The following WASHC5 variants were observed in gnomAD, a reference collection of about 807,000 sequenced individuals.
WASHC5 encodes the protein WASH complex subunit strumpellin.
In WASHC5, 101 loss-of-function variants were observed where a neutral mutation model predicts 150.4. The observed-to-expected ratio is 0.67, with a 90% CI of 0.57 to 0.79. The LOEUF is 0.79. Ranked by LOEUF, WASHC5 falls within the 30% of genes least tolerant of loss-of-function variation. WASHC5 has a pLI of 0.00. For missense variants in WASHC5, 1,195 were observed against 1,396.3 expected, an observed-to-expected ratio of 0.86 and a Z score of 2.30; for synonymous variants, 467 against 491.2, an observed-to-expected ratio of 0.95 and a Z score of 0.65.
chr8:125,028,627 G>GGTAGCTTTGTGT lies in WASHC5; in HGVS notation c.3404_3415dup (p.Leu1138_Pro1139insHisThrLysLeu). On this transcript the variant is annotated inframe_insertion, in exon 28 of 29. Transcript: ENST00000318410. Reference sequence around the variant, plus strand: ...TTACTATCTATCACTTACCCTCCTGGGTAGCTTTGTGTACCGAACATAATC... The same window carrying GGTAGCTTTGTGT: ...TTACTATCTATCACTTACCCTCCTGGGTAGCTTTGTGTGTAGCTTTGTGTACCGAACATAATC... 6.2e-7 allele frequency: 1 copy of GGTAGCTTTGTGT among 1,607,346 alleles called. No individual in the cohort carries two copies. Among genetic ancestry groups the GGTAGCTTTGTGT allele is most frequent in the Non-Finnish European group, 8.5e-7 (1 of 1,174,040 alleles).
intron 10 of WASHC5, among the ~76,000 whole-genome samples, chr8:125,066,403 A>G (rs1306588040): frequency 1.3e-5 from 2 of 152,168 alleles, no homozygotes; most frequent in Non-Finnish European, 2.9e-5. Flanking sequence ...ATGGGTATAA[A>G]TGTCTGGGCT....
In WASHC5 at chr8:125,061,193, T is replaced by C. The variant is rs898070544; in HGVS notation, c.1410A>G (p.Glu470=). The C allele has an allele frequency of 2.0e-6, 3 of 1,507,684 alleles. No homozygotes were observed. In the Admixed American group the frequency reaches 5.0e-5, roughly 25 times the overall value. The allele number at this position is 1,507,684 out of a possible 1,614,324, so 93.4% of individuals were successfully genotyped here. A position where few individuals can be genotyped will look rare whatever the true frequency, so the allele number is the denominator to read the frequency against. Residue 470 remains glutamate (E), a splice_region_variant and synonymous_variant, in exon 12 of 29, where the codon GAA becomes GAG. Transcript: ENST00000318410. ...VKPLTRVEKN[E]NLQAWFREIS... is the part of the protein sequence containing the mutation. Reference sequence around the variant, plus strand: ...TCTCTCTGAACCAAGCTTGAAGGTTTTCTAGTAATACAGAAATAAGAAAAT... The same window carrying C: ...TCTCTCTGAACCAAGCTTGAAGGTTCTCTAGTAATACAGAAATAAGAAAAT...
At position 125,057,747 on chromosome 8, in the gene WASHC5, A is replaced by T. The variant is rs143674803; in HGVS notation, c.1765-81T>A. On this transcript the variant is annotated intron_variant, in intron 14 of 28. Transcript: ENST00000318410. ...TTTCTTTCCAGAAAATGTAACATAC[A>T]ACAAAACATTTGGGTTTTACCCAAC... 353 of 928,588 alleles carry T rather than the reference A, an allele frequency of 3.8e-4. 1 individual carries two copies. The African/African-American group carries it at 4.9e-3, about 13-fold the overall frequency. 57.5% of individuals were successfully genotyped at this position (928,588 alleles called of 1,614,324 possible).
intron 20 of WASHC5, 80 bp from the exon 21 acceptor site, chr8:125,044,778 C>T (rs16900255): frequency 6.6e-6 from 9 of 1,370,248 alleles, no homozygotes; most frequent in Admixed American, 5.0e-5. Flanking sequence ...ACAGGACATG[C>T]GGCACCAAAT....
intron 1 of WASHC5, among the ~76,000 whole-genome samples, chr8:125,085,749 T>C (rs1427224078): frequency 6.6e-6 from 1 of 152,154 alleles, no homozygotes; most frequent in African/African-American, 2.4e-5. Context: ...GAGCAGATGG[T>C]AGAAGGCGAA....
chr8:125,039,804 T>G lies in WASHC5; in HGVS notation c.2945A>C (p.Asn982Thr). The change falls in exon 24 of 29, where the codon AAT (asparagine) becomes ACT (threonine). Residue 982 changes from asparagine to threonine, a missense_variant. This residue lies in a region of WASHC5 where 997 missense variants were observed against 1,168.1 expected (regional missense o/e 0.85). Coordinates refer to ENST00000318410, the MANE Select transcript of WASHC5 (RefSeq NM_014846.4). ...DSKHLAAALENLNKALLADIE... is the reference protein window; with the variant it reads ...DSKHLAAALETLNKALLADIE... ...AAACCCTGGCACTTACTTATTGAGA[T>G]TCTCCAGAGCAGCTGCCAGATGTTT... The G allele has an allele frequency of 6.2e-7, 1 of 1,611,238 alleles. No individual in the cohort carries two copies. The highest frequency in any genetic ancestry group is 8.5e-7 in the Non-Finnish European group (1 of 1,177,412).
At position 125,083,752 on chromosome 8, in the gene WASHC5, C is replaced by T. The variant is rs1461961938; in HGVS notation, c.147G>A (p.Gln49=). The change falls in exon 2 of 29, where the codon CAG becomes CAA. Residue 49 remains glutamine, a synonymous_variant. Coordinates refer to ENST00000318410, the MANE Select transcript of WASHC5 (RefSeq NM_014846.4). ...VFRLKDRADQ[Q]KYGDIIFDFS... ...AATCAAATATGATATCTCCATATTTCTGTTGATCAGCTCTGTCTTTTAACC... is the reference window on the plus strand; with the variant it reads ...AATCAAATATGATATCTCCATATTTTTGTTGATCAGCTCTGTCTTTTAACC... 12 of 1,613,594 alleles carry T rather than the reference C, an allele frequency of 7.4e-6. No individual in the cohort carries two copies. Among genetic ancestry groups the T allele is most frequent in the Non-Finnish European group, 1.0e-5 (12 of 1,179,598 alleles).
At chr8:125,031,307 C>T (rs1376967745) in intron 27 of WASHC5, among the ~76,000 whole-genome samples, 2 of 152,196 alleles carry the variant, frequency 1.3e-5, no homozygotes, top group Non-Finnish European at 2.9e-5. Flanking sequence ...TGGAGTCTCG[C>T]TCTGTCACCC....
rs886062652 is a variant in WASHC5, at chr8:125,055,636, A to C, written c.2052T>G (p.Thr684=). 1.2e-6 allele frequency: 2 copies of C among 1,613,112 alleles called. No individual in the cohort carries two copies. The highest frequency in any genetic ancestry group is 1.7e-6 in the Non-Finnish European group (2 of 1,179,056). ...TCGTTTTCATCATTAAGATGCCTTC[A>C]GTAAAAATGGAAATAGCATGAGTAA... is the stretch of plus-strand genomic sequence containing the variant. ...AKLTHAISIF[T]EGILMMKTTL... The change falls in exon 17 of 29, where the codon ACT becomes ACG. Residue 684 remains threonine, a synonymous_variant. Transcript: ENST00000318410.
At chr8:125,067,230 C>A (rs1447631551) in intron 10 of WASHC5, among the ~76,000 whole-genome samples, 35 of 152,174 alleles carry the variant, frequency 2.3e-4, no homozygotes, top group Non-Finnish European at 1.5e-5. Context: ...GCTGGCCAGG[C>A]TGATCTCGAA....
At chr8:125,037,406 G>C (rs1815747165) in intron 25 of WASHC5, 73 bp from the exon 26 acceptor site, 1 of 941,348 alleles carries the variant, frequency 1.1e-6, no homozygotes, top group Non-Finnish European at 1.7e-6. Context: ...GTTTCCAAAT[G>C]AAAATCTTCC....
intron 5 of WASHC5, 35 bp from the exon 6 acceptor site, chr8:125,078,965 A>T (rs1284387594): frequency 6.4e-7 from 1 of 1,553,634 alleles, no homozygotes; most frequent in Non-Finnish European, 8.9e-7. Flanking sequence ...CAAAGACCCA[A>T]AACACACATA....
intron 23 of WASHC5, among the ~76,000 whole-genome samples, chr8:125,040,356 A>C: frequency 6.6e-6 from 1 of 152,208 alleles, no homozygotes; most frequent in East Asian, 1.9e-4. Context: ...GTGAATATTA[A>C]GTCTGTCCAT....
chr8:125,078,964 A>T, intron 5 of WASHC5, 34 bp from the exon 6 acceptor site: 2 of 1,558,504 alleles, frequency 1.3e-6, no homozygotes, highest in Non-Finnish European at 1.8e-6. Context: ...ACAAAGACCC[A>T]AAACACACAT....
At chr8:125,079,760 C>A (rs991506348) in intron 5 of WASHC5, among the ~76,000 whole-genome samples, 1 of 152,018 alleles carries the variant, frequency 6.6e-6, no homozygotes, top group African/African-American at 2.4e-5. Context: ...TATATATAGC[C>A]TCACACCTAT....
chr8:125,024,472 C>T lies in WASHC5; in HGVS notation c.*145G>A, dbSNP rs1354929786. On this transcript the variant is annotated 3_prime_UTR_variant, in exon 29 of 29. Transcript: ENST00000318410. ...TATTAACTAATGCCATGAGATATAT[C>T]TTACTCAGAACGTCTGATGTTTCCC... is the stretch of plus-strand genomic sequence containing the variant. 4 of 711,564 alleles carry T rather than the reference C, an allele frequency of 5.6e-6. No homozygotes were observed. Among genetic ancestry groups the T allele is most frequent in the Non-Finnish European group, 7.8e-6 (3 of 384,682 alleles). The allele number at this position is 711,564 out of a possible 1,614,324, so 44.1% of individuals were successfully genotyped here. A position where few individuals can be genotyped will look rare whatever the true frequency, so the allele number is the denominator to read the frequency against.
At chr8:125,075,610 A>T (rs1441480886) in intron 7 of WASHC5, among the ~76,000 whole-genome samples, 1 of 152,156 alleles carries the variant, frequency 6.6e-6, no homozygotes, top group Admixed American at 6.5e-5. Flanking sequence ...TTGGCTGCTC[A>T]ACTCTGAGCT....
chr8:125,077,933 C>G (rs1231528602), intron 6 of WASHC5, among the ~76,000 whole-genome samples: 1 of 152,096 alleles, frequency 6.6e-6, no homozygotes, highest in Non-Finnish European at 1.5e-5. Context: ...AACAAAAACC[C>G]TCTTATTTAT....
At chr8:125,087,936 G>A (rs749402051) in intron 1 of WASHC5, among the ~76,000 whole-genome samples, 2 of 152,090 alleles carry the variant, frequency 1.3e-5, no homozygotes, top group African/African-American at 4.8e-5. Context: ...TAAGTGCCGT[G>A]AAGAAAAAAC....
Sources: allele counts gnomAD v4.1 joint callset (sites outside exome capture counted in the v4.1 genomes callset), GRCh38; gene constraint gnomAD v4.1.1; regional missense constraint gnomAD v4.1.1; transcripts MANE v1.5; gene names NCBI Gene and HGNC (gene_info 2026-07-23, HGNC 2026-07-21).